The following CWC27 variants were observed in gnomAD, a reference collection of about 807,000 sequenced individuals.
The protein encoded by CWC27 is spliceosome-associated protein CWC27 homolog.
In CWC27, 47 loss-of-function variants were observed where a neutral mutation model predicts 63.6. The observed-to-expected ratio is 0.74, with a 90% CI of 0.58 to 0.94. The LOEUF (loss-of-function observed/expected upper bound fraction) is 0.94. Among genes scored for constraint, CWC27 ranks in the 40% least tolerant of loss-of-function variants. The pLI, the probability that CWC27 is intolerant of heterozygous loss-of-function variation, is 0.00. For missense variants in CWC27, 495 were observed against 554.3 expected, an observed-to-expected ratio of 0.89 and a Z score of 1.07; for synonymous variants, 175 against 179.8, an observed-to-expected ratio of 0.97 and a Z score of 0.22.
chr5:64,822,582 A>G (rs1276975306), intron 10 of CWC27, among the ~76,000 whole-genome samples: 1 of 152,164 alleles, frequency 6.6e-6, no homozygotes, highest in Non-Finnish European at 1.5e-5. Context: ...AGAGGAGAGA[A>G]TATAGTTGGA....
rs146542425 is a variant in CWC27, at chr5:64,986,140, G to A, written c.1256+8902G>A. Among the ~76,000 whole-genome samples, 562 of 152,250 alleles carry A rather than the reference G, an allele frequency of 3.7e-3. 1 individual carries two copies. The highest frequency in any genetic ancestry group is 0.013 in the African/African-American group (523 of 41,534). On this transcript the variant is annotated intron_variant, in intron 13 of 13. Transcript: ENST00000381070. ...GTTTGCCTCCCCTTCCAACATGATT[G>A]TAAGTTTCCTGAGGCCTCCCCAGCC...
At chr5:64,893,113 T>C (rs1022982942) in intron 11 of CWC27, among the ~76,000 whole-genome samples, 4 of 152,244 alleles carry the variant, frequency 2.6e-5, no homozygotes, top group Non-Finnish European at 5.9e-5. Flanking sequence ...TTGTTTTGTT[T>C]TGTTTGGATA....
At chr5:64,828,274 T>C (rs552721766) in intron 10 of CWC27, among the ~76,000 whole-genome samples, 35 of 152,170 alleles carry the variant, frequency 2.3e-4, no homozygotes, top group Non-Finnish European at 4.0e-4. Flanking sequence ...TAATCCTCTG[T>C]CCCACTTAAT....
intron 11 of CWC27, among the ~76,000 whole-genome samples, chr5:64,917,674 G>C (rs1747917176): frequency 6.6e-6 from 1 of 152,150 alleles, no homozygotes; most frequent in African/African-American, 2.4e-5. Flanking sequence ...TGCAAATAAG[G>C]AGGAACTCCA....
Position 64,953,307 on chromosome 5 carries a change from C to A in CWC27, c.1043-18396C>A, listed in dbSNP as rs560759085. On this transcript the variant is annotated intron_variant, in intron 11 of 13. Coordinates refer to ENST00000381070, the MANE Select transcript of CWC27 (RefSeq NM_005869.4). ...ACTAATTCACTACATACCTTGAAGGCCATAGTAGTTAACAGTGTGTTTTCT... is the reference window on the plus strand; with the variant it reads ...ACTAATTCACTACATACCTTGAAGGACATAGTAGTTAACAGTGTGTTTTCT... 2.0e-5 allele frequency among the ~76,000 whole-genome samples: 3 copies of A among 152,124 alleles called. No individual in the cohort carries two copies. The East Asian group carries it at 5.8e-4, about 29-fold the overall frequency.
At chr5:64,880,358 C>A (rs1746906274) in intron 10 of CWC27, among the ~76,000 whole-genome samples, 1 of 151,958 alleles carries the variant, frequency 6.6e-6, no homozygotes, top group African/African-American at 2.4e-5. Context: ...CTGTCACTTA[C>A]TCACTATGTG....
chr5:64,985,649 G>C (rs1409520254), intron 13 of CWC27, among the ~76,000 whole-genome samples: 1 of 152,064 alleles, frequency 6.6e-6, no homozygotes, highest in Admixed American at 6.5e-5. Context: ...ACTAGTTCTA[G>C]GTTTTTGGAT....
chr5:64,812,545 G>A (rs893568574), intron 10 of CWC27, among the ~76,000 whole-genome samples: 1 of 152,120 alleles, frequency 6.6e-6, no homozygotes, highest in African/African-American at 2.4e-5. Flanking sequence ...TAATCCAAAT[G>A]TTGTATTTTC....
chr5:64,977,073 C>A, intron 12 of CWC27, 62 bp from the exon 13 acceptor site: 2 of 954,302 alleles, frequency 2.1e-6, no homozygotes, highest in Non-Finnish European at 3.1e-6. Context: ...CAAACTTAAG[C>A]ATCTCTTTTA....
intron 10 of CWC27, among the ~76,000 whole-genome samples, chr5:64,868,452 T>C (rs1179213227): frequency 6.6e-6 from 1 of 152,034 alleles, no homozygotes; most frequent in East Asian, 1.9e-4. Flanking sequence ...GCTAAGAAAA[T>C]ATTAATAAAG....
intron 11 of CWC27, among the ~76,000 whole-genome samples, chr5:64,911,436 T>C (rs1389755123): frequency 6.6e-6 from 1 of 152,150 alleles, no homozygotes; most frequent in African/African-American, 2.4e-5. Context: ...CCACATAATT[T>C]GGACTCAATA....
At chr5:64,982,286 T>A (rs1337781030) in intron 13 of CWC27, among the ~76,000 whole-genome samples, 1 of 152,146 alleles carries the variant, frequency 6.6e-6, no homozygotes, top group Non-Finnish European at 1.5e-5. Flanking sequence ...GTGTATATAG[T>A]TTAATCATGT....
At chr5:64,786,164 C>CA (rs1209111233) in intron 5 of CWC27, among the ~76,000 whole-genome samples, 20,041 of 63,258 alleles carry the variant, frequency 0.32, 2,316 homozygotes, top group East Asian at 0.5. Context: ...GACTCCATCT[C>CA]AAAAAAAAAA....
intron 11 of CWC27, among the ~76,000 whole-genome samples, chr5:64,948,420 T>C (rs563360341): frequency 6.6e-6 from 1 of 151,966 alleles, no homozygotes; most frequent in Admixed American, 6.6e-5. Context: ...ATATATACAG[T>C]TTTATCTAGT....
intron 5 of CWC27, among the ~76,000 whole-genome samples, chr5:64,785,848 A>T (rs894454779): frequency 1.3e-5 from 2 of 152,136 alleles, no homozygotes; most frequent in African/African-American, 4.8e-5. Context: ...TATTTAGCCC[A>T]AAGTAGTGAC....
chr5:64,916,370 A>G (rs1006301238), intron 11 of CWC27, among the ~76,000 whole-genome samples: 5 of 152,182 alleles, frequency 3.3e-5, no homozygotes, highest in African/African-American at 1.2e-4. Context: ...AACTTTTCCA[A>G]TTTAGGCCTA....
At chr5:64,978,628 G>T (rs1424906266) in intron 13 of CWC27, among the ~76,000 whole-genome samples, 30 of 149,486 alleles carry the variant, frequency 2.0e-4, no homozygotes, top group Admixed American at 4.0e-4. Context: ...TTTTGGCGGT[G>T]GGGGGGATTC....
intron 12 of CWC27, among the ~76,000 whole-genome samples, chr5:64,975,289 T>G (rs1327673288): frequency 6.6e-6 from 1 of 152,224 alleles, no homozygotes; most frequent in South Asian, 2.1e-4. Flanking sequence ...AACTGTGATC[T>G]TATTGATACT....
chr5:64,979,149 T>C lies in CWC27; in HGVS notation c.1256+1911T>C, dbSNP rs547632234. On this transcript the variant is annotated intron_variant, in intron 13 of 13. Coordinates refer to ENST00000381070, the MANE Select transcript of CWC27 (RefSeq NM_005869.4). ...TTAGAAAGTTTAAAACGGGGAAACT[T>C]CACTGGACATGGGGAAAAAAATCAC... is the stretch of plus-strand genomic sequence containing the variant. 1.2e-3 allele frequency among the ~76,000 whole-genome samples: 189 copies of C among 152,290 alleles called. 1 individual carries two copies. Among genetic ancestry groups the C allele is most frequent in the Non-Finnish European group, 2.1e-3 (144 of 68,014 alleles).
Sources: allele counts gnomAD v4.1 joint callset (sites outside exome capture counted in the v4.1 genomes callset), GRCh38; gene constraint gnomAD v4.1.1; transcripts MANE v1.5; gene names NCBI Gene and HGNC (gene_info 2026-07-23, HGNC 2026-07-21).